NRG3: variants seen among roughly 807,000 people sequenced by gnomAD.
The protein encoded by NRG3 is neuregulin 3.
A neutral mutation model predicts 66.9 loss-of-function variants in NRG3; 31 were observed. The observed-to-expected ratio is 0.46, with a 90% CI of 0.35 to 0.63. The LOEUF (loss-of-function observed/expected upper bound fraction) is 0.63, where lower values mean the gene tolerates loss of function less well. Ranked by LOEUF, NRG3 falls within the 20% of genes least tolerant of loss-of-function variation. NRG3 has a pLI of 0.00. For synonymous variants in NRG3, 393 were observed against 359.4 expected, an observed-to-expected ratio of 1.09 and a Z score of -1.06; for missense variants, 910 against 878.9, an observed-to-expected ratio of 1.04 and a Z score of -0.45.
At chr10:82,047,393 G>A (rs2063351615) in intron 1 of NRG3, among the ~76,000 whole-genome samples, 1 of 152,122 alleles carries the variant, frequency 6.6e-6, no homozygotes, top group African/African-American at 2.4e-5. Context: ...CAGACTAACA[G>A]CGGATCTCTA....
chr10:82,010,326 C>G (rs1475275325), intron 1 of NRG3, among the ~76,000 whole-genome samples: 1 of 152,168 alleles, frequency 6.6e-6, no homozygotes, highest in Non-Finnish European at 1.5e-5. Context: ...CCGTCTCTCC[C>G]TCTTTCAGTC....
At chr10:82,445,780 T>C in intron 2 of NRG3, among the ~76,000 whole-genome samples, 1 of 152,128 alleles carries the variant, frequency 6.6e-6, no homozygotes, top group Non-Finnish European at 1.5e-5. Context: ...CTGATTTGGG[T>C]CTTTCTATTT....
In NRG3 at chr10:82,512,665, C is replaced by A. The variant is rs547984876; in HGVS notation, c.953+153797C>A. Among the ~76,000 whole-genome samples, 6 of 152,244 alleles carry A rather than the reference C, an allele frequency of 3.9e-5. No individual in the cohort carries two copies. The East Asian group carries it at 1.2e-3, about 29-fold the overall frequency. On this transcript the variant is annotated intron_variant, in intron 2 of 8. Coordinates refer to ENST00000372141, the MANE Select transcript of NRG3 (RefSeq NM_001010848.4). ...AAGTTTCAGCACTTTTATGTCACTC[C>A]TTCATTGCATGCTATTCTGATCTCC...
At chr10:82,106,876 C>T (rs1173696458) in intron 1 of NRG3, among the ~76,000 whole-genome samples, 1 of 152,068 alleles carries the variant, frequency 6.6e-6, no homozygotes, top group Non-Finnish European at 1.5e-5. Context: ...TATAAGGTAT[C>T]TTGCAAAAAG....
chr10:82,028,596 T>C (rs559683474), intron 1 of NRG3, among the ~76,000 whole-genome samples: 4 of 152,204 alleles, frequency 2.6e-5, no homozygotes, highest in African/African-American at 9.6e-5. Flanking sequence ...CGCTTTGGGC[T>C]TCTCTGACCT....
chr10:82,204,973 C>G (rs1341435085), intron 1 of NRG3, among the ~76,000 whole-genome samples: 2 of 152,168 alleles, frequency 1.3e-5, no homozygotes, highest in Non-Finnish European at 2.9e-5. Context: ...TCCAACATAA[C>G]TGAAGTGGGG....
intron 1 of NRG3, among the ~76,000 whole-genome samples, chr10:81,920,696 A>G (rs2132864793): frequency 6.6e-6 from 1 of 152,328 alleles, no homozygotes; most frequent in African/African-American, 2.4e-5. Flanking sequence ...AATTTATAAT[A>G]TTATGAATAG....
At chr10:82,127,251 T>G (rs1181871844) in intron 1 of NRG3, among the ~76,000 whole-genome samples, 1 of 151,974 alleles carries the variant, frequency 6.6e-6, no homozygotes, top group Non-Finnish European at 1.5e-5. Context: ...GCTGGGGGAG[T>G]GGAGAGGAAT....
intron 1 of NRG3, chr10:82,225,402 G>A (rs1447487574): frequency 6.6e-6 from 1 of 152,158 alleles, no homozygotes; most frequent in Non-Finnish European, 1.5e-5. Context: ...ATAGCACCTT[G>A]ATTGGTAGAT....
At chr10:82,489,923 T>A (rs369109745) in intron 2 of NRG3, among the ~76,000 whole-genome samples, 342 of 152,282 alleles carry the variant, frequency 2.2e-3, no homozygotes, top group African/African-American at 7.3e-3. Context: ...CAGTGCTGTT[T>A]TCCTGGAGAT....
chr10:82,150,292 G>A (rs1252368632), intron 1 of NRG3, among the ~76,000 whole-genome samples: 2 of 152,050 alleles, frequency 1.3e-5, no homozygotes, highest in Non-Finnish European at 2.9e-5. Context: ...TTGCAAACAT[G>A]TCAGTGTACC....
intron 2 of NRG3, among the ~76,000 whole-genome samples, chr10:82,460,641 G>A (rs996827357): frequency 2.0e-5 from 3 of 152,136 alleles, no homozygotes; most frequent in African/African-American, 7.2e-5. Context: ...TTAGCTACAC[G>A]TGCAGCAGGG....
intron 1 of NRG3, among the ~76,000 whole-genome samples, chr10:82,053,498 A>T (rs2063696122): frequency 6.6e-6 from 1 of 152,182 alleles, no homozygotes; most frequent in South Asian, 2.1e-4. Flanking sequence ...CACTCAGATC[A>T]GTTTCACCTA....
chr10:82,750,842 AAG>A (rs566537517), intron 3 of NRG3, among the ~76,000 whole-genome samples: 23 of 152,294 alleles, frequency 1.5e-4, no homozygotes, highest in Non-Finnish European at 2.5e-4. Context: ...ATGAGGGGTC[AAG>A]AGCAAAACAT....
chr10:82,535,551 G>A (rs1365039305), intron 2 of NRG3, among the ~76,000 whole-genome samples: 1 of 152,074 alleles, frequency 6.6e-6, no homozygotes, highest in African/African-American at 2.4e-5. Context: ...AATAAATTTA[G>A]ATGACTGCCG....
At chr10:81,933,216 G>A (rs975657148) in intron 1 of NRG3, among the ~76,000 whole-genome samples, 1 of 151,984 alleles carries the variant, frequency 6.6e-6, no homozygotes, top group Non-Finnish European at 1.5e-5. Flanking sequence ...GTGGACTGAA[G>A]CTAGCACAAC....
At chr10:82,137,626 C>T (rs186001467) in intron 1 of NRG3, among the ~76,000 whole-genome samples, 4 of 152,224 alleles carry the variant, frequency 2.6e-5, no homozygotes, top group East Asian at 3.9e-4. Context: ...TTCAAGAAAA[C>T]GGCATTTAGT....
At chr10:82,643,015 G>A (rs919416905) in intron 2 of NRG3, among the ~76,000 whole-genome samples, 1 of 151,998 alleles carries the variant, frequency 6.6e-6, no homozygotes, top group Non-Finnish European at 1.5e-5. Context: ...GTAGCCACAA[G>A]ATAACCATTT....
chr10:82,375,556 T>C (rs1337759987), intron 2 of NRG3, among the ~76,000 whole-genome samples: 4 of 149,356 alleles, frequency 2.7e-5, no homozygotes, highest in Admixed American at 6.6e-5. Flanking sequence ...AAAAAATTAC[T>C]GATATTTTTT....
Sources: allele counts gnomAD v4.1 joint callset (sites outside exome capture counted in the v4.1 genomes callset), GRCh38; gene constraint gnomAD v4.1.1; transcripts MANE v1.5; gene names NCBI Gene and HGNC (gene_info 2026-07-23, HGNC 2026-07-21).